PTPRD: variants seen among roughly 807,000 people sequenced by gnomAD.
The protein encoded by PTPRD is protein tyrosine phosphatase receptor type D, also known as receptor-type tyrosine-protein phosphatase delta.
Under a neutral mutation model 214.5 loss-of-function variants are expected in PTPRD, and 34 were observed. The observed-to-expected ratio is 0.16, with a 90% CI of 0.12 to 0.21. PTPRD has a LOEUF of 0.21. Among genes scored for constraint, PTPRD ranks in the 10% least tolerant of loss-of-function variants. PTPRD has a pLI of 1.00. For synonymous variants in PTPRD, 1,128 were observed against 845.7 expected (o/e 1.33, Z -5.79); for missense variants, 2,545 against 2,398.7 (o/e 1.06, Z -1.27).
intron 10 of PTPRD, among the ~76,000 whole-genome samples, chr9:9,180,933 G>A (rs568712908): frequency 6.6e-6 from 1 of 152,196 alleles, no homozygotes; most frequent in South Asian, 2.1e-4. Context: ...TTCTTAAGTG[G>A]CAAAAATCAT....
intron 14 of PTPRD, among the ~76,000 whole-genome samples, chr9:8,553,386 C>T (rs913941066): frequency 6.6e-6 from 1 of 152,078 alleles, no homozygotes; most frequent in Non-Finnish European, 1.5e-5. Context: ...AGTCCCCTGG[C>T]GTGGCGTGAA....
intron 2 of PTPRD, among the ~76,000 whole-genome samples, chr9:10,478,091 C>A (rs1336396689): frequency 6.6e-6 from 1 of 151,866 alleles, no homozygotes; most frequent in African/African-American, 2.4e-5. Context: ...TACATGTATA[C>A]CTATGTAACA....
chr9:9,820,635 T>C (rs181016538), intron 5 of PTPRD, among the ~76,000 whole-genome samples: 1 of 152,274 alleles, frequency 6.6e-6, no homozygotes, highest in Admixed American at 6.5e-5. Context: ...TTTAAATCTT[T>C]AATCCATCTT....
chr9:8,717,105 T>C (rs1037169332), intron 12 of PTPRD, among the ~76,000 whole-genome samples: 6 of 152,158 alleles, frequency 3.9e-5, no homozygotes, highest in Admixed American at 3.9e-4. Flanking sequence ...GTTGCACCTG[T>C]ACCCCATCCT....
intron 10 of PTPRD, among the ~76,000 whole-genome samples, chr9:9,143,259 T>A (rs1251952426): frequency 6.6e-6 from 1 of 152,214 alleles, no homozygotes; most frequent in Non-Finnish European, 1.5e-5. Flanking sequence ...CATTTTGTAA[T>A]GGAAGGATTT....
chr9:8,783,088 G>C (rs976093658), intron 11 of PTPRD, among the ~76,000 whole-genome samples: 5 of 152,066 alleles, frequency 3.3e-5, no homozygotes, highest in African/African-American at 1.2e-4. Context: ...AGAAGTTCGA[G>C]CAAATTACAG....
intron 14 of PTPRD, among the ~76,000 whole-genome samples, chr9:8,545,241 T>G (rs576036320): frequency 6.6e-6 from 1 of 152,230 alleles, no homozygotes; most frequent in African/African-American, 2.4e-5. Context: ...GTTTTCATAC[T>G]TATATTTTGT....
chr9:9,804,288 C>G (rs2099059801), intron 5 of PTPRD, among the ~76,000 whole-genome samples: 1 of 152,012 alleles, frequency 6.6e-6, no homozygotes, highest in Admixed American at 6.6e-5. Context: ...TAGCAGTACA[C>G]TGCACTGAAT....
At chr9:10,159,247 GT>G (rs1317986252) in intron 3 of PTPRD, among the ~76,000 whole-genome samples, 1 of 151,748 alleles carries the variant, frequency 6.6e-6, no homozygotes, top group Non-Finnish European at 1.5e-5. Context: ...AAATCAACAG[GT>G]AAGTTAAAAA....
intron 9 of PTPRD, among the ~76,000 whole-genome samples, chr9:9,254,793 C>T (rs868486131): frequency 6.6e-6 from 1 of 152,022 alleles, no homozygotes; most frequent in African/African-American, 2.4e-5. Flanking sequence ...ATTCCTTTTA[C>T]TTTTTGTTCC....
At chr9:10,466,673 G>T (rs1018403156) in intron 2 of PTPRD, among the ~76,000 whole-genome samples, 1 of 145,066 alleles carries the variant, frequency 6.9e-6, no homozygotes, top group Non-Finnish European at 1.5e-5. Flanking sequence ...TTATAACAAC[G>T]TGTATAGCTC....
intron 11 of PTPRD, among the ~76,000 whole-genome samples, chr9:8,811,391 G>A (rs778476796): frequency 2.0e-5 from 3 of 152,082 alleles, no homozygotes; most frequent in Non-Finnish European, 2.9e-5. Context: ...CAGCACCTGG[G>A]TTAAGGTAGG....
chr9:10,399,916 G>A (rs971614690), intron 2 of PTPRD, among the ~76,000 whole-genome samples: 3 of 151,768 alleles, frequency 2.0e-5, no homozygotes, highest in African/African-American at 4.8e-5. Flanking sequence ...AGACTTGTGC[G>A]CCATTTTAAA....
chr9:10,163,711 T>C (rs1052522515), intron 3 of PTPRD, among the ~76,000 whole-genome samples: 5 of 151,430 alleles, frequency 3.3e-5, no homozygotes, highest in Admixed American at 1.3e-4. Flanking sequence ...AAGCACAATA[T>C]ATTCTCAAAG....
intron 11 of PTPRD, among the ~76,000 whole-genome samples, chr9:8,824,517 T>G (rs2097138255): frequency 6.6e-6 from 1 of 152,184 alleles, no homozygotes; most frequent in African/African-American, 2.4e-5. Flanking sequence ...AGTTAACTGT[T>G]TAATAAAACA....
At chr9:10,116,700 C>G (rs1017102599) in intron 3 of PTPRD, among the ~76,000 whole-genome samples, 1 of 152,096 alleles carries the variant, frequency 6.6e-6, no homozygotes, top group Admixed American at 6.6e-5. Context: ...GGAGTCAGGT[C>G]ATGTCACTGC....
intron 8 of PTPRD, among the ~76,000 whole-genome samples, chr9:9,445,756 A>G (rs1378137189): frequency 6.6e-6 from 1 of 152,148 alleles, no homozygotes; most frequent in South Asian, 2.1e-4. Flanking sequence ...TATGGGAACT[A>G]TAATTCAGGA....
intron 9 of PTPRD, among the ~76,000 whole-genome samples, chr9:9,373,883 G>A (rs1295781244): frequency 1.3e-5 from 2 of 151,916 alleles, no homozygotes; most frequent in Non-Finnish European, 2.9e-5. Flanking sequence ...TTATTTTCAT[G>A]TATTTGTTAA....
chr9:9,799,674 A>C (rs556615965), intron 5 of PTPRD: 8 of 152,256 alleles, frequency 5.3e-5, no homozygotes, highest in African/African-American at 1.9e-4. Context: ...CAAACAATAA[A>C]AAGGGGGGTA....
Sources: gnomAD v4.1 joint callset for allele counts (sites outside exome capture counted in the v4.1 genomes callset) on GRCh38, gnomAD v4.1.1 for gene constraint, MANE v1.5 for transcripts, NCBI Gene and HGNC (gene_info 2026-07-23, HGNC 2026-07-21) for gene names.